Variants in CACNA1D observed in about 807,000 individuals in gnomAD.
The protein encoded by CACNA1D is calcium voltage-gated channel subunit alpha1 D.
Under a neutral mutation model 257.1 loss-of-function variants are expected in CACNA1D, and 55 were observed. The observed-to-expected ratio is 0.21, with a 90% CI of 0.17 to 0.27. CACNA1D has a LOEUF of 0.27. Ranked by LOEUF, CACNA1D falls within the 10% of genes least tolerant of loss-of-function variation. The pLI is 1.00. For synonymous variants in CACNA1D, 980 were observed against 1,014.9 expected, an observed-to-expected ratio of 0.97 and a Z score of 0.65; for missense variants, 1,876 against 2,784.0, an observed-to-expected ratio of 0.67 and a Z score of 7.34.
At chr3:53,755,982 G>A (rs953142456) in intron 29 of CACNA1D, among the ~76,000 whole-genome samples, 1 of 152,154 alleles carries the variant, frequency 6.6e-6, no homozygotes, top group African/African-American at 2.4e-5. Flanking sequence ...TGGGACCTCA[G>A]CCTCCTCTCA....
intron 3 of CACNA1D, among the ~76,000 whole-genome samples, chr3:53,512,274 G>A (rs528995483): frequency 1.3e-5 from 2 of 152,300 alleles, no homozygotes; most frequent in South Asian, 4.1e-4. Flanking sequence ...GCAAAGTAGA[G>A]ACAGCCAGCT....
chr3:53,731,397 T>C (rs1349980727), intron 17 of CACNA1D, among the ~76,000 whole-genome samples: 1 of 152,256 alleles, frequency 6.6e-6, no homozygotes, highest in Non-Finnish European at 1.5e-5. Context: ...TGACCACTTA[T>C]GTTTTCTTTA....
rs372003114 is a variant in CACNA1D at position 53,761,945 on chromosome 3, G to T, written c.3787-53G>T. On this transcript the variant is annotated intron_variant, in intron 29 of 47. Coordinates refer to ENST00000350061, the MANE Select transcript of CACNA1D (RefSeq NM_001128840.3). ...GGATTCGCCCCTATACGGTCCGTGTGGTGGGTCATTCATACATGCTCATAA... is the reference window on the plus strand; with the variant it reads ...GGATTCGCCCCTATACGGTCCGTGTTGTGGGTCATTCATACATGCTCATAA... The T allele has an allele frequency of 3.3e-4, 408 of 1,253,668 alleles. 1 individual carries two copies. The African/African-American group carries it at 5.1e-3, about 16-fold the overall frequency. The allele number at this position is 1,253,668 out of a possible 1,614,324, so 77.7% of individuals were successfully genotyped here.
At chr3:53,628,641 C>A (rs1377359845) in intron 3 of CACNA1D, among the ~76,000 whole-genome samples, 1 of 152,142 alleles carries the variant, frequency 6.6e-6, no homozygotes, top group Non-Finnish European at 1.5e-5. Context: ...GTAGCAGTTT[C>A]TTTTGTGCCT....
chr3:53,674,034 A>G (rs1280940006), intron 8 of CACNA1D: 2 of 622,342 alleles, frequency 3.2e-6, no homozygotes, highest in Admixed American at 4.9e-5. Flanking sequence ...ATTTAATGAA[A>G]ACGTTCCCCC....
At chr3:53,782,309 A>G (rs1435862423) in intron 39 of CACNA1D, 1 of 103,992 alleles carries the variant, frequency 9.6e-6, no homozygotes, top group African/African-American at 4.1e-5. Flanking sequence ...CTGGCTTTGC[A>G]TTTTTATTTA....
At chr3:53,584,562 A>C (rs2093183646) in intron 3 of CACNA1D, among the ~76,000 whole-genome samples, 1 of 152,134 alleles carries the variant, frequency 6.6e-6, no homozygotes, top group South Asian at 2.1e-4. Context: ...TTACCATCCT[A>C]AGACAGGATG....
At chr3:53,633,093 A>C (rs1191985025) in intron 3 of CACNA1D, among the ~76,000 whole-genome samples, 1 of 152,264 alleles carries the variant, frequency 6.6e-6, no homozygotes. Context: ...GAAGTACAAT[A>C]AAATGAGATA....
chr3:53,580,624 C>A (rs896805051), intron 3 of CACNA1D, among the ~76,000 whole-genome samples: 3 of 152,194 alleles, frequency 2.0e-5, no homozygotes, highest in Non-Finnish European at 4.4e-5. Flanking sequence ...TGTAATAAAG[C>A]ATCCTCATAA....
At chr3:53,711,932 C>T (rs771199737) in intron 9 of CACNA1D, among the ~76,000 whole-genome samples, 14 of 152,166 alleles carry the variant, frequency 9.2e-5, no homozygotes, top group African/African-American at 2.7e-4. Context: ...GTAGCATTCA[C>T]GGAAGGTTTA....
intron 30 of CACNA1D, among the ~76,000 whole-genome samples, chr3:53,764,294 T>C (rs1311658778): frequency 6.6e-6 from 1 of 152,238 alleles, no homozygotes; most frequent in Non-Finnish European, 1.5e-5. Context: ...AGTTTATGGC[T>C]AGACATCTGC....
chr3:53,499,177 A>G (rs1255540650), intron 2 of CACNA1D, among the ~76,000 whole-genome samples: 1 of 152,158 alleles, frequency 6.6e-6, no homozygotes, highest in Non-Finnish European at 1.5e-5. Context: ...GAATTCCTGG[A>G]TCACGCTGCT....
chr3:53,563,567 C>A (rs1290036678), intron 3 of CACNA1D, among the ~76,000 whole-genome samples: 1 of 143,634 alleles, frequency 7.0e-6, no homozygotes, highest in Non-Finnish European at 1.5e-5. Context: ...GCTTATCTTT[C>A]TTTGATTCTC....
intron 20 of CACNA1D, among the ~76,000 whole-genome samples, chr3:53,736,956 T>C (rs367675761): frequency 7.3e-5 from 11 of 150,996 alleles, no homozygotes; most frequent in East Asian, 3.9e-4. Context: ...CAGTTAGCCC[T>C]CTGTATCCAT....
intron 7 of CACNA1D, among the ~76,000 whole-genome samples, chr3:53,670,165 A>C (rs2094308821): frequency 6.6e-6 from 1 of 152,086 alleles, no homozygotes; most frequent in Non-Finnish European, 1.5e-5. Context: ...AGTCTCCTTC[A>C]TTCAGGGCAC....
chr3:53,609,375 A>G (rs925397415), intron 3 of CACNA1D, among the ~76,000 whole-genome samples: 2 of 142,088 alleles, frequency 1.4e-5, no homozygotes, highest in African/African-American at 2.7e-5. Context: ...GCGCCACTGC[A>G]CTCCAGCCTG....
chr3:53,525,256 G>T (rs981041463), intron 3 of CACNA1D, among the ~76,000 whole-genome samples: 1 of 152,190 alleles, frequency 6.6e-6, no homozygotes, highest in African/African-American at 2.4e-5. Flanking sequence ...TTAACTCATA[G>T]TTATTGCTTA....
At chr3:53,737,809 G>A (rs1352128485) in intron 20 of CACNA1D, among the ~76,000 whole-genome samples, 1 of 152,202 alleles carries the variant, frequency 6.6e-6, no homozygotes, top group African/African-American at 2.4e-5. Context: ...TGCGACAAGA[G>A]CAAAACTCTG....
chr3:53,502,648 C>T (rs991361314), intron 3 of CACNA1D, among the ~76,000 whole-genome samples: 7 of 152,010 alleles, frequency 4.6e-5, no homozygotes, highest in Admixed American at 4.6e-4. Context: ...ATTTCTCATA[C>T]CTTTCTGCAT....
Sources: gnomAD v4.1 joint callset for allele counts (sites outside exome capture counted in the v4.1 genomes callset) on GRCh38, gnomAD v4.1.1 for gene constraint, MANE v1.5 for transcripts, NCBI Gene and HGNC (gene_info 2026-07-23, HGNC 2026-07-21) for gene names.